The following PLIN4 variants were observed in gnomAD, a reference collection of about 807,000 sequenced individuals.
PLIN4 encodes the protein perilipin 4, also known as perilipin-4.
PLIN4 carries 57 observed loss-of-function variants against 52.4 expected under a neutral mutation model. The observed-to-expected ratio is 1.09, with a 90% CI of 0.88 to 1.36. The LOEUF (loss-of-function observed/expected upper bound fraction) is 1.36. Ranked by LOEUF, PLIN4 falls within the 40% of genes most tolerant of loss-of-function variation. PLIN4 has a pLI of 0.00. For synonymous variants in PLIN4, 826 were observed against 785.4 expected (o/e 1.05, Z -0.86); for missense variants, 1,757 against 1,770.3 (o/e 0.99, Z 0.13).
chr19:4,516,601 C>A lies in PLIN4; in HGVS notation c.258+16G>T. ...GGCTCCTGCCACATCAGACCCTGCCCTGCACATCCTCTCACCTTTTCCGAA... is the reference window on the plus strand; with the variant it reads ...GGCTCCTGCCACATCAGACCCTGCCATGCACATCCTCTCACCTTTTCCGAA... On this transcript the variant is annotated intron_variant, in intron 4 of 7. Coordinates refer to ENST00000301286, the MANE Select transcript of PLIN4 (RefSeq NM_001367868.2). 6.3e-7 allele frequency: 1 copy of A among 1,598,918 alleles called. No individual in the cohort carries two copies. The highest frequency in any genetic ancestry group is 2.3e-5 in the East Asian group (1 of 44,152).
intron 5 of PLIN4, among the ~76,000 whole-genome samples, chr19:4,510,154 C>T (rs912435913): frequency 2.0e-5 from 3 of 152,088 alleles, no homozygotes; most frequent in Non-Finnish European, 2.9e-5. Flanking sequence ...ATCACGAGGT[C>T]AAGAGATCGA....
rs200149931 is a variant in PLIN4 at position 4,512,921 on chromosome 19, C to T, written c.1039G>A (p.Val347Met). ...VCSGVTGAMN[V>M]AKGTIQTGVD... is the part of the protein sequence containing the mutation. ...CCGGTCTGGATGGTTCCTTTGGCCA[C>T]ATTCATGGCACCAGTCACCCCACTA... The change falls in exon 5 of 8, where the codon GTG becomes ATG. Residue 347 changes from valine (V) to methionine (M), a missense_variant. Physicochemically the swap from Val to Met is conservative, Grantham distance 21. This residue lies in a region of PLIN4 where 99 missense variants were observed against 143.4 expected (regional missense o/e 0.69). Transcript: ENST00000301286. The T allele has an allele frequency of 2.0e-6, 3 of 1,525,456 alleles. No individual in the cohort carries two copies. 94.5% of individuals were successfully genotyped at this position (1,525,456 alleles called of 1,614,324 possible).
In PLIN4 at chr19:4,516,569, C is replaced by A. The variant is rs760611936; in HGVS notation, c.258+48G>T. 25 of 1,559,834 alleles carry A rather than the reference C, an allele frequency of 1.6e-5. No individual in the cohort carries two copies. In the African/African-American group the frequency reaches 2.0e-4, roughly 13 times the overall value. ...AACTGAAATGTCGCAGGAGGGGGCA[C>A]CCCCAGGGCTCCTGCCACATCAGAC... On this transcript the variant is annotated intron_variant, in intron 4 of 7. Transcript: ENST00000301286.
At position 4,504,894 on chromosome 19, in the gene PLIN4, T is replaced by G; in HGVS notation, c.3756A>C (p.Ser1252=). 1 of 1,608,148 alleles carries G rather than the reference T, an allele frequency of 6.2e-7. No homozygotes were observed. The highest frequency in any genetic ancestry group is 8.5e-7 in the Non-Finnish European group (1 of 1,177,920). The change falls in exon 7 of 8, where the codon TCA becomes TCC. Residue 1252 remains serine (S), a synonymous_variant. Coordinates refer to ENST00000301286, the MANE Select transcript of PLIN4 (RefSeq NM_001367868.2). ...PEGQPRLDQG[S]GASAEDAAVQ... is the part of the protein sequence containing the mutation. Reference sequence around the variant, plus strand: ...CAGCAGCGTCCTCCGCACTGGCACCTGAGCCCTGGTCCAGACGTGGCTGCC... The same window carrying G: ...CAGCAGCGTCCTCCGCACTGGCACCGGAGCCCTGGTCCAGACGTGGCTGCC...
chr19:4,511,624 C>G lies in PLIN4; in HGVS notation c.2336G>C (p.Gly779Ala). The G allele has an allele frequency of 8.6e-7, 1 of 1,164,150 alleles. No individual in the cohort carries two copies. The highest frequency in any genetic ancestry group is 1.2e-6 in the Non-Finnish European group (1 of 833,776). 72.1% of individuals were successfully genotyped at this position (1,164,150 alleles called of 1,614,324 possible). ...GGTGTCCATGCCGGTCTGGACAGTC[C>G]CTTTGGCCAACTTCACAGCCCCTGT... ...GLTGAVKLAK[G>A]TVQTGMDTTK... Residue 779 changes from glycine to alanine, a missense_variant, in exon 5 of 8, where the codon GGG (glycine) becomes GCG (alanine). Coordinates refer to ENST00000301286, the MANE Select transcript of PLIN4 (RefSeq NM_001367868.2).
intron 4 of PLIN4, among the ~76,000 whole-genome samples, chr19:4,515,997 A>C (rs189017159): frequency 1.3e-4 from 19 of 150,804 alleles, no homozygotes; most frequent in Admixed American, 1.1e-3. Flanking sequence ...TCCTCTTGCC[A>C]GGCGCAGTGG....
chr19:4,506,887 G>A (rs1976110927), intron 6 of PLIN4, among the ~76,000 whole-genome samples: 1 of 152,256 alleles, frequency 6.6e-6, no homozygotes, highest in South Asian at 2.1e-4. Flanking sequence ...CAGCGACTGT[G>A]CATCTGGGGG....
chr19:4,506,578 A>T (rs548210591), intron 6 of PLIN4, among the ~76,000 whole-genome samples: 1 of 152,012 alleles, frequency 6.6e-6, no homozygotes, highest in Non-Finnish European at 1.5e-5. Flanking sequence ...AGTAGCACTT[A>T]AAGGAACAAG....
At chr19:4,509,050 C>T in intron 5 of PLIN4, 95 bp from the exon 6 acceptor site, 2 of 1,246,080 alleles carry the variant, frequency 1.6e-6, no homozygotes, top group Non-Finnish European at 2.2e-6. Context: ...CGGTTCCCGC[C>T]TGTGATCCCA....
chr19:4,516,460 T>C (rs1976583916), intron 4 of PLIN4, among the ~76,000 whole-genome samples, 157 bp downstream of exon 4: 1 of 152,172 alleles, frequency 6.6e-6, no homozygotes, highest in Non-Finnish European at 1.5e-5. Flanking sequence ...CCCCAGGCTG[T>C]CTGCCTTCCC....
chr19:4,513,675 C>A lies in PLIN4; in HGVS notation c.285G>T (p.Val95=). The A allele has an allele frequency of 6.3e-7, 1 of 1,590,372 alleles. No individual in the cohort carries two copies. The highest frequency in any genetic ancestry group is 8.6e-7 in the Non-Finnish European group (1 of 1,167,478). Residue 95 remains valine (V), a synonymous_variant, in exon 5 of 8, where the codon GTG becomes GTT. Coordinates refer to ENST00000301286, the MANE Select transcript of PLIN4 (RefSeq NM_001367868.2). ...CCTTGGCCCTGGACATCTTGGAACA[C>A]ACCAGGTCTTTGGCCCCGGACACCA... ...EKMVSGAKDL[V]CSKMSRAKDA...
chr19:4,516,852 CA>C (rs949664413), intron 3 of PLIN4, among the ~76,000 whole-genome samples, 174 bp from the exon 4 acceptor site: 1 of 152,254 alleles, frequency 6.6e-6, no homozygotes, highest in African/African-American at 2.4e-5. Context: ...GGTCACCCCC[CA>C]ACCCCGCTGG....
At chr19:4,510,336 A>G in intron 5 of PLIN4, 110 bp downstream of exon 5, 23 of 1,201,016 alleles carry the variant, frequency 1.9e-5, no homozygotes, top group Non-Finnish European at 2.3e-5. Context: ...ACTGCACTCC[A>G]GCCTGGGCAA....
chr19:4,512,200 A>C lies in PLIN4; in HGVS notation c.1760T>G (p.Val587Gly). ...NVAKGAVQTG[V>G]DTAKTVLTGT... ...GGTCAGCACGGTCTTGGCTGTGTCT[A>C]CACCTGTCTGGACAGCCCCCTTGGC... Residue 587 changes from valine (V) to glycine (G), a missense_variant, in exon 5 of 8, where the codon GTA (valine) becomes GGA (glycine). Val to Gly is a moderately radical substitution (Grantham distance 109, BLOSUM62 -3). This residue lies in a region of PLIN4 where 439 missense variants were observed against 406.4 expected (regional missense o/e 1.08). Transcript: ENST00000301286. 1 of 1,612,844 alleles carries C rather than the reference A, an allele frequency of 6.2e-7. No homozygotes were observed. Among genetic ancestry groups the C allele is most frequent in the Non-Finnish European group, 8.5e-7 (1 of 1,179,786 alleles).
At chr19:4,509,395 T>C (rs1012589719) in intron 5 of PLIN4, among the ~76,000 whole-genome samples, 2 of 147,158 alleles carry the variant, frequency 1.4e-5, no homozygotes, top group Admixed American at 7.0e-5. Flanking sequence ...GGCGGGTGGA[T>C]CACCTGGGAT....
intron 5 of PLIN4, 126 bp downstream of exon 5, chr19:4,510,320 C>G: frequency 9.2e-7 from 1 of 1,090,990 alleles, no homozygotes; most frequent in Non-Finnish European, 1.2e-6. Flanking sequence ...GAACCGAGAT[C>G]ACGCCACTGC....
chr19:4,502,623 T>C lies in PLIN4; in HGVS notation c.*1836A>G, dbSNP rs979214671. On this transcript the variant is annotated 3_prime_UTR_variant, in exon 8 of 8. Coordinates refer to ENST00000301286, the MANE Select transcript of PLIN4 (RefSeq NM_001367868.2). Reference sequence around the variant, plus strand: ...CCTGAGAGCCGCTGCTAGCCGACAGTGGTCTCCAGCGTTCAGGGAGCATGG... The same window carrying C: ...CCTGAGAGCCGCTGCTAGCCGACAGCGGTCTCCAGCGTTCAGGGAGCATGG... 2 of 201,850 alleles carry C rather than the reference T, an allele frequency of 9.9e-6. No individual in the cohort carries two copies. The highest frequency in any genetic ancestry group is 6.2e-5 in the Admixed American group (1 of 16,068). 12.5% of individuals were successfully genotyped at this position (201,850 alleles called of 1,614,324 possible).
Position 4,512,652 on chromosome 19 carries a change from G to T in PLIN4, c.1308C>A (p.Val436=), listed in dbSNP as rs755777301. 1 of 1,575,106 alleles carries T rather than the reference G, an allele frequency of 6.3e-7. No homozygotes were observed. The highest frequency in any genetic ancestry group is 1.1e-5 in the South Asian group (1 of 89,414). Residue 436 remains valine, a synonymous_variant, in exon 5 of 8, where the codon GTC becomes GTA. Coordinates refer to ENST00000301286, the MANE Select transcript of PLIN4 (RefSeq NM_001367868.2). ...TCATGGCACCAGTCACCCCACTGCA[G>T]ACGGTGTCCTTTGTACCTGTTGCGA... ...QNIATGTKDT[V]CSGVTGAMNL... is the part of the protein sequence containing the mutation.
Position 4,504,191 on chromosome 19 carries a change from T to C in PLIN4, c.*268A>G, listed in dbSNP as rs553410621. 46 of 415,556 alleles carry C rather than the reference T, an allele frequency of 1.1e-4. No individual in the cohort carries two copies. Among genetic ancestry groups the C allele is most frequent in the Non-Finnish European group, 1.7e-4 (40 of 234,822 alleles). The allele number at this position is 415,556 out of a possible 1,614,324, so 25.7% of individuals were successfully genotyped here. A position where few individuals can be genotyped will look rare whatever the true frequency, so the allele number is the denominator to read the frequency against. The stretch of plus-strand genomic sequence containing the variant: ...GGGACTTCAAGGGAAGGCTCTTGGC[T>C]GGTGGTCTGAGTGACCCCAGGCTCC... On this transcript the variant is annotated 3_prime_UTR_variant, in exon 8 of 8. Transcript: ENST00000301286.
Sources: allele counts gnomAD v4.1 joint callset (sites outside exome capture counted in the v4.1 genomes callset), GRCh38; gene constraint gnomAD v4.1.1; regional missense constraint gnomAD v4.1.1; transcripts MANE v1.5; gene names NCBI Gene and HGNC (gene_info 2026-07-23, HGNC 2026-07-21).